Variants in ANKIB1 observed in about 807,000 individuals in gnomAD.
ANKIB1 encodes the protein ankyrin repeat and IBR domain containing 1.
ANKIB1 carries 43 observed loss-of-function variants against 122.1 expected under a neutral mutation model. That is an observed-to-expected ratio of 0.35 (90% CI 0.28 to 0.45). The LOEUF is 0.45. Among genes scored for constraint, ANKIB1 ranks in the 20% least tolerant of loss-of-function variants. The pLI is 1.00. For synonymous variants in ANKIB1, 390 were observed against 442.0 expected (o/e 0.88, Z 1.48); for missense variants, 992 against 1,329.5 (o/e 0.75, Z 3.95).
At chr7:92,382,614 C>T (rs1804543168) in intron 11 of ANKIB1, among the ~76,000 whole-genome samples, 2 of 152,196 alleles carry the variant, frequency 1.3e-5, no homozygotes, top group African/African-American at 4.8e-5. Context: ...TACATGGAAA[C>T]TGAACAACCT....
At chr7:92,387,163 T>G (rs1804673163) in intron 12 of ANKIB1, among the ~76,000 whole-genome samples, 1 of 152,140 alleles carries the variant, frequency 6.6e-6, no homozygotes, top group Admixed American at 6.6e-5. Flanking sequence ...TGCCCCTTCC[T>G]CTTCTTTTAA....
At chr7:92,288,326 A>G (rs1802178321) in intron 1 of ANKIB1, among the ~76,000 whole-genome samples, 1 of 152,244 alleles carries the variant, frequency 6.6e-6, no homozygotes, top group African/African-American at 2.4e-5. Flanking sequence ...TGCAAACTAC[A>G]AAACTCTCAT....
chr7:92,275,987 C>G (rs1801894896), intron 1 of ANKIB1, among the ~76,000 whole-genome samples: 1 of 152,152 alleles, frequency 6.6e-6, no homozygotes, highest in African/African-American at 2.4e-5. Context: ...TACACATACA[C>G]ATGCCATATG....
At chr7:92,279,876 G>GCA (rs141023555) in intron 1 of ANKIB1, among the ~76,000 whole-genome samples, 6 of 151,536 alleles carry the variant, frequency 4.0e-5, no homozygotes, top group Non-Finnish European at 7.4e-5. Context: ...AAACAAACAA[G>GCA]CACACACACA....
At chr7:92,367,206 A>G (rs190904449) in intron 10 of ANKIB1, among the ~76,000 whole-genome samples, 1 of 152,340 alleles carries the variant, frequency 6.6e-6, no homozygotes, top group Non-Finnish European at 1.5e-5. Context: ...GATTTGTTCT[A>G]CCAGAGAAGG....
intron 8 of ANKIB1, 98 bp from the exon 9 acceptor site, chr7:92,352,378 T>G (rs868862032): frequency 7.9e-7 from 1 of 1,265,250 alleles, no homozygotes. Context: ...CTCTTTTTCT[T>G]TCTTTGCTTT....
intron 1 of ANKIB1, among the ~76,000 whole-genome samples, chr7:92,277,998 C>T (rs1026695061): frequency 3.3e-5 from 5 of 151,680 alleles, no homozygotes; most frequent in South Asian, 2.1e-4. Context: ...GCAGGAGAAT[C>T]GCTTGAACCT....
At chr7:92,340,300 A>G (rs1219085689) in intron 5 of ANKIB1, among the ~76,000 whole-genome samples, 1 of 152,202 alleles carries the variant, frequency 6.6e-6, no homozygotes, top group East Asian at 1.9e-4. Flanking sequence ...CAGTGAAAGG[A>G]ATTAGCCTTA....
chr7:92,397,375 A>G (rs929568628), intron 18 of ANKIB1, among the ~76,000 whole-genome samples: 2 of 151,644 alleles, frequency 1.3e-5, no homozygotes, highest in Non-Finnish European at 2.9e-5. Context: ...AGTCCCAACC[A>G]CTCGAGAGGC....
At chr7:92,277,990 A>G (rs1801939434) in intron 1 of ANKIB1, among the ~76,000 whole-genome samples, 1 of 151,988 alleles carries the variant, frequency 6.6e-6, no homozygotes, top group Admixed American at 6.6e-5. Context: ...AAGCTGAGGC[A>G]GGAGAATCGC....
chr7:92,246,382 G>A lies in ANKIB1; in HGVS notation c.-228G>A. The A allele has an allele frequency of 2.1e-6, 1 of 479,334 alleles. No individual in the cohort carries two copies. The highest frequency in any genetic ancestry group is 4.1e-6 in the Non-Finnish European group (1 of 242,672). The allele number at this position is 479,334 out of a possible 1,614,324, so 29.7% of individuals were successfully genotyped here. A position where few individuals can be genotyped will look rare whatever the true frequency, so the allele number is the denominator to read the frequency against. ...TGGCGGGTGCACCCGGGCCGGCGAG[G>A]AAGGGGCAACCGTCCGGGTGGGTGG... On this transcript the variant is annotated 5_prime_UTR_variant, in exon 1 of 20. Coordinates refer to ENST00000265742, the MANE Select transcript of ANKIB1 (RefSeq NM_019004.2).
At chr7:92,273,961 T>C (rs1801848309) in intron 1 of ANKIB1, among the ~76,000 whole-genome samples, 1 of 151,790 alleles carries the variant, frequency 6.6e-6, no homozygotes, top group South Asian at 2.1e-4. Context: ...TTTGTAGAGA[T>C]GAAGTCCCAC....
intron 1 of ANKIB1, among the ~76,000 whole-genome samples, chr7:92,267,084 A>C (rs1213417100): frequency 6.6e-6 from 1 of 152,210 alleles, no homozygotes; most frequent in African/African-American, 2.4e-5. Flanking sequence ...TTGAAGAGCA[A>C]ATGGGAAATG....
chr7:92,394,657 A>G (rs959262543), intron 17 of ANKIB1, among the ~76,000 whole-genome samples: 6 of 152,178 alleles, frequency 3.9e-5, no homozygotes, highest in African/African-American at 1.4e-4. Context: ...TCTTTGTCTA[A>G]GAAATCTAGT....
chr7:92,371,950 GGTGTGT>G (rs55936298), intron 11 of ANKIB1, among the ~76,000 whole-genome samples: 15,406 of 117,810 alleles, frequency 0.13, 1,026 homozygotes, highest in Admixed American at 0.17. Flanking sequence ...TTGAGAGAGG[GGTGTGT>G]GTGTGTGTGT....
At chr7:92,325,864 C>T in intron 4 of ANKIB1, 1 of 419,976 alleles carries the variant, frequency 2.4e-6, no homozygotes, top group Non-Finnish European at 4.7e-6. Flanking sequence ...TGCACTAATG[C>T]AAAAGAGGTA....
At chr7:92,267,404 G>A (rs1801694284) in intron 1 of ANKIB1, among the ~76,000 whole-genome samples, 1 of 152,156 alleles carries the variant, frequency 6.6e-6, no homozygotes, top group South Asian at 2.1e-4. Context: ...TGTCTCCCAA[G>A]AGTGACTATT....
intron 17 of ANKIB1, among the ~76,000 whole-genome samples, chr7:92,394,028 T>TA (rs2115718296): frequency 6.6e-6 from 1 of 152,294 alleles, no homozygotes; most frequent in East Asian, 1.9e-4. Context: ...AGGTTTGTTT[T>TA]ATGCTACTTT....
chr7:92,352,590 C>T lies in ANKIB1; in HGVS notation c.1345C>T (p.Pro449Ser), dbSNP rs1045001527. 6.2e-7 allele frequency: 1 copy of T among 1,613,094 alleles called. No homozygotes were observed. The highest frequency in any genetic ancestry group is 8.5e-7 in the Non-Finnish European group (1 of 1,179,734). ...NTSGSDTLSF[P>S]LLRAPAVDCG... ...ATCTGGATCTGATACACTCAGCTTCCCATTGCTGAGAGCTCCTGCTGTTGA... is the reference window on the plus strand; with the variant it reads ...ATCTGGATCTGATACACTCAGCTTCTCATTGCTGAGAGCTCCTGCTGTTGA... The change falls in exon 9 of 20, where the codon CCA becomes TCA. Residue 449 changes from proline to serine, a missense_variant. By Grantham distance (74) the Pro-to-Ser change is moderately conservative. This residue lies in a region of ANKIB1 where 521 missense variants were observed against 777.7 expected (regional missense o/e 0.67). Coordinates refer to ENST00000265742, the MANE Select transcript of ANKIB1 (RefSeq NM_019004.2).
Sources: allele counts gnomAD v4.1 joint callset (sites outside exome capture counted in the v4.1 genomes callset), GRCh38; gene constraint gnomAD v4.1.1; regional missense constraint gnomAD v4.1.1; transcripts MANE v1.5; gene names NCBI Gene and HGNC (gene_info 2026-07-23, HGNC 2026-07-21).